Variants in FBXL17 observed in about 807,000 individuals in gnomAD.
The protein encoded by FBXL17 is F-box/LRR-repeat protein 17.
In FBXL17, 22 loss-of-function variants were observed where a neutral mutation model predicts 66.2. That is an observed-to-expected ratio of 0.33 (90% CI 0.24 to 0.47). The LOEUF (loss-of-function observed/expected upper bound fraction) is 0.47. Among genes scored for constraint, FBXL17 ranks in the 20% least tolerant of loss-of-function variants. FBXL17 has a pLI of 1.00. For synonymous variants in FBXL17, 474 were observed against 400.5 expected (o/e 1.18, Z -2.19); for missense variants, 878 against 948.2 (o/e 0.93, Z 0.97).
chr5:107,882,217 T>C (rs1374810139), intron 7 of FBXL17, among the ~76,000 whole-genome samples: 1 of 152,184 alleles, frequency 6.6e-6, no homozygotes, highest in Admixed American at 6.5e-5. Flanking sequence ...TCTGTGACAA[T>C]AAAGGTGAAT....
chr5:108,214,260 G>C (rs1027872810), intron 5 of FBXL17, among the ~76,000 whole-genome samples: 10 of 152,094 alleles, frequency 6.6e-5, no homozygotes, highest in Non-Finnish European at 1.3e-4. Context: ...ACTGGGGGTT[G>C]TGGAATATAT....
chr5:108,179,634 T>C (rs558721400), intron 6 of FBXL17, among the ~76,000 whole-genome samples: 77 of 152,278 alleles, frequency 5.1e-4, no homozygotes, highest in African/African-American at 1.8e-3. Flanking sequence ...AGGAAACTCC[T>C]TTACAGCACT....
intron 6 of FBXL17, among the ~76,000 whole-genome samples, chr5:108,057,487 T>A (rs1193449657): frequency 1.3e-5 from 2 of 152,148 alleles, no homozygotes; most frequent in African/African-American, 4.8e-5. Context: ...ACTTATAAAT[T>A]GTTAACTCCA....
chr5:107,940,405 G>A (rs1040933456), intron 7 of FBXL17, among the ~76,000 whole-genome samples: 5 of 152,144 alleles, frequency 3.3e-5, no homozygotes, highest in Non-Finnish European at 5.9e-5. Flanking sequence ...GTGAGATGGC[G>A]TATATGCAAG....
intron 4 of FBXL17, among the ~76,000 whole-genome samples, chr5:108,233,198 T>A (rs114192852): frequency 0.015 from 2,312 of 152,212 alleles, 28 homozygotes; most frequent in South Asian, 0.025. Flanking sequence ...TTGCACTCTG[T>A]GCCTTATCTT....
intron 7 of FBXL17, among the ~76,000 whole-genome samples, chr5:107,943,547 C>CT (rs5870290): frequency 0.54 from 78,051 of 144,594 alleles, 21,558 homozygotes; most frequent in Middle Eastern, 0.65. Context: ...AGAACCTCAT[C>CT]TTTTTTTTTT....
At chr5:108,287,945 T>C (rs1337567261) in intron 4 of FBXL17, among the ~76,000 whole-genome samples, 2 of 151,772 alleles carry the variant, frequency 1.3e-5, no homozygotes, top group Admixed American at 6.6e-5. Flanking sequence ...ATAAAAAGAA[T>C]AGATACTATC....
At chr5:108,024,890 G>GA (rs1176308305) in intron 6 of FBXL17, among the ~76,000 whole-genome samples, 1 of 152,040 alleles carries the variant, frequency 6.6e-6, no homozygotes, top group Non-Finnish European at 1.5e-5. Flanking sequence ...TCAGTGGAGG[G>GA]AAAATCTGTC....
intron 6 of FBXL17, among the ~76,000 whole-genome samples, chr5:108,048,982 C>T (rs1396051459): frequency 1.3e-5 from 2 of 152,004 alleles, no homozygotes; most frequent in Admixed American, 6.6e-5. Flanking sequence ...AGATCAACCC[C>T]AAGACATATA....
At chr5:107,935,130 T>A (rs766079498) in intron 7 of FBXL17, among the ~76,000 whole-genome samples, 2 of 152,084 alleles carry the variant, frequency 1.3e-5, no homozygotes, top group African/African-American at 4.8e-5. Context: ...ATTTTATGTA[T>A]TAAATGTCTA....
chr5:108,023,507 C>T (rs1408081101), intron 6 of FBXL17, among the ~76,000 whole-genome samples: 1 of 152,062 alleles, frequency 6.6e-6, no homozygotes, highest in Non-Finnish European at 1.5e-5. Context: ...TCTAAAGTCT[C>T]GTAATCCACC....
intron 4 of FBXL17, among the ~76,000 whole-genome samples, chr5:108,317,763 C>T (rs1234221341): frequency 2.0e-5 from 3 of 151,086 alleles, no homozygotes; most frequent in Non-Finnish European, 4.4e-5. Flanking sequence ...AATATCTATC[C>T]CAAGACCTAC....
chr5:108,111,763 A>G (rs1439398060), intron 6 of FBXL17, among the ~76,000 whole-genome samples: 1 of 152,226 alleles, frequency 6.6e-6, no homozygotes, highest in African/African-American at 2.4e-5. Flanking sequence ...TCCAATAATT[A>G]ATAAAATCCT....
chr5:107,951,351 G>A (rs1045771930), intron 7 of FBXL17, among the ~76,000 whole-genome samples: 2 of 152,164 alleles, frequency 1.3e-5, no homozygotes, highest in African/African-American at 2.4e-5. Context: ...CAATTAAAAC[G>A]TTTTATTTAT....
chr5:108,065,768 G>A (rs189383425), intron 6 of FBXL17, among the ~76,000 whole-genome samples: 1 of 152,130 alleles, frequency 6.6e-6, no homozygotes, highest in Non-Finnish European at 1.5e-5. Flanking sequence ...AAGTAACCTT[G>A]GAGTTTCCAG....
intron 7 of FBXL17, among the ~76,000 whole-genome samples, chr5:107,980,645 A>ATATATATATAT (rs1554054251): frequency 8.8e-5 from 7 of 79,250 alleles, no homozygotes; most frequent in Non-Finnish European, 8.8e-5. Flanking sequence ...CCAATAAAAT[A>ATATATATATAT]ATATATATAT....
In FBXL17 at chr5:107,960,105, C is replaced by T. The variant is rs77943794; in HGVS notation, c.1822+60820G>A. 1.2e-4 allele frequency among the ~76,000 whole-genome samples: 19 copies of T among 152,226 alleles called. No homozygotes were observed. The East Asian group carries it at 3.7e-3, about 29-fold the overall frequency. ...TGTGATTACTATTGGTTCTCAGTTC[C>T]TTTTTATTTTTGCTCCTTTAGTTAC... On this transcript the variant is annotated intron_variant, in intron 7 of 8. Coordinates refer to ENST00000542267, the MANE Select transcript of FBXL17 (RefSeq NM_001163315.3).
chr5:107,887,812 G>A (rs1217544033), intron 7 of FBXL17, among the ~76,000 whole-genome samples: 2 of 152,150 alleles, frequency 1.3e-5, no homozygotes, highest in African/African-American at 2.4e-5. Flanking sequence ...ATCTGATTCC[G>A]GAGAAGCTAT....
intron 7 of FBXL17, among the ~76,000 whole-genome samples, chr5:108,017,093 T>C (rs1443192226): frequency 6.6e-6 from 1 of 151,982 alleles, no homozygotes; most frequent in Admixed American, 6.6e-5. Context: ...AGGAAGTAAA[T>C]TTTCAAAAGA....
Sources: gnomAD v4.1 joint callset for allele counts (sites outside exome capture counted in the v4.1 genomes callset) on GRCh38, gnomAD v4.1.1 for gene constraint, MANE v1.5 for transcripts, NCBI Gene and HGNC (gene_info 2026-07-23, HGNC 2026-07-21) for gene names.